The following SUGCT variants were observed in gnomAD, a reference collection of about 807,000 sequenced individuals.
The protein encoded by SUGCT is succinyl-CoA:glutarate CoA-transferase.
A neutral mutation model predicts 55.0 loss-of-function variants in SUGCT; 41 were observed. The observed-to-expected ratio is 0.74, with a 90% CI of 0.58 to 0.97. The LOEUF is 0.97. SUGCT is among the 50% of genes least tolerant of loss of function. The pLI is 0.00. For missense variants in SUGCT, 568 were observed against 547.8 expected (o/e 1.04, Z -0.37); for synonymous variants, 187 against 200.4 (o/e 0.93, Z 0.56).
intron 9 of SUGCT, among the ~76,000 whole-genome samples, chr7:40,402,569 G>C (rs1459519816): frequency 1.3e-5 from 2 of 151,182 alleles, no homozygotes; most frequent in African/African-American, 2.4e-5. Context: ...TCCAGATACT[G>C]TTTATTGGTA....
chr7:40,905,017 T>C, the SUGCT span, among the ~76,000 whole-genome samples: 1 of 152,184 alleles, frequency 6.6e-6, no homozygotes. Context: ...AAGTAAAATC[T>C]CTATAACATG....
At chr7:40,432,339 T>G (rs1787934099) in intron 9 of SUGCT, among the ~76,000 whole-genome samples, 1 of 152,196 alleles carries the variant, frequency 6.6e-6, no homozygotes, top group Non-Finnish European at 1.5e-5. Context: ...AACCCACTGA[T>G]AGTCTTATAG....
chr7:40,980,478 C>G, the SUGCT span, among the ~76,000 whole-genome samples: 1 of 152,128 alleles, frequency 6.6e-6, no homozygotes, highest in South Asian at 2.1e-4. Context: ...AGTCTCACCT[C>G]AGTATTATGT....
At chr7:40,666,991 T>TACTTGGG (rs1359803427) in intron 12 of SUGCT, among the ~76,000 whole-genome samples, 1 of 151,760 alleles carries the variant, frequency 6.6e-6, no homozygotes, top group Non-Finnish European at 1.5e-5. Context: ...GTTGCACGCC[T>TACTTGGG]GTGATCCCAG....
rs138682687 is a variant in SUGCT at position 40,296,711 on chromosome 7, G to A, written c.721-20049G>A. 7.4e-4 allele frequency among the ~76,000 whole-genome samples: 112 copies of A among 151,184 alleles called. No individual in the cohort carries two copies. The East Asian group carries it at 0.02, about 27-fold the overall frequency. ...TCTCTCTCCATTTGGTAACCTTCCTGTATAGGCCTCTAGGGTAGTGGTTAG... is the reference window on the plus strand; with the variant it reads ...TCTCTCTCCATTTGGTAACCTTCCTATATAGGCCTCTAGGGTAGTGGTTAG... On this transcript the variant is annotated intron_variant, in intron 8 of 13. Coordinates refer to ENST00000335693, the MANE Select transcript of SUGCT (RefSeq NM_001193313.2).
Position 40,855,322 on chromosome 7 carries a change from T to C in SUGCT, c.1154-4994T>C, listed in dbSNP as rs202061878. The stretch of plus-strand genomic sequence containing the variant: ...GAAAAATTTATCCTCTTCTACTCTT[T>C]TTGCCTCTTTTTTCCTGGGGTTCTT... On this transcript the variant is annotated intron_variant, in intron 13 of 13. Transcript: ENST00000335693. Among the ~76,000 whole-genome samples, 3 of 151,990 alleles carry C rather than the reference T, an allele frequency of 2.0e-5. No individual in the cohort carries two copies. In the East Asian group the frequency reaches 5.8e-4, roughly 29 times the overall value.
At chr7:40,726,542 T>G (rs1203717) in intron 12 of SUGCT, among the ~76,000 whole-genome samples, 57,241 of 151,976 alleles carry the variant, frequency 0.38, 13,829 homozygotes, top group African/African-American at 0.69. Flanking sequence ...CCAAGGGTCA[T>G]CTGTATTACC....
chr7:40,699,107 C>T (rs188335595), intron 12 of SUGCT, among the ~76,000 whole-genome samples: 7 of 152,114 alleles, frequency 4.6e-5, no homozygotes, highest in African/African-American at 7.2e-5. Context: ...ACCTGGTTTT[C>T]GATTTCATAT....
intron 1 of SUGCT, among the ~76,000 whole-genome samples, chr7:40,163,674 T>C (rs1784287032): frequency 6.6e-6 from 1 of 151,918 alleles, no homozygotes; most frequent in Non-Finnish European, 1.5e-5. Flanking sequence ...ACAAAAATGG[T>C]GCATCTGTGT....
chr7:40,240,841 G>A (rs1394379439), intron 7 of SUGCT, among the ~76,000 whole-genome samples: 2 of 152,160 alleles, frequency 1.3e-5, no homozygotes, highest in East Asian at 1.9e-4. Flanking sequence ...CAGGGTTGTC[G>A]GTCAGGGAAG....
chr7:40,309,260 T>C (rs1795010910), intron 8 of SUGCT, among the ~76,000 whole-genome samples: 1 of 152,114 alleles, frequency 6.6e-6, no homozygotes, highest in Admixed American at 6.6e-5. Context: ...ATCCCCAGTA[T>C]CTAGAGCAAT....
At chr7:41,014,813 A>G in the SUGCT span, among the ~76,000 whole-genome samples, 1 of 152,218 alleles carries the variant, frequency 6.6e-6, no homozygotes, top group Non-Finnish European at 1.5e-5. Context: ...TTATTTTACC[A>G]ATAGATTGAG....
At chr7:40,384,733 CG>C (rs1190297737) in intron 9 of SUGCT, among the ~76,000 whole-genome samples, 1 of 125,354 alleles carries the variant, frequency 8.0e-6, no homozygotes, top group East Asian at 2.2e-4. Context: ...TTGGTAGAGA[CG>C]GGGTTTCAGC....
At chr7:40,937,084 C>T in the SUGCT span, among the ~76,000 whole-genome samples, 1 of 152,122 alleles carries the variant, frequency 6.6e-6, no homozygotes, top group African/African-American at 2.4e-5. Context: ...GTTTGGTGGA[C>T]CAAATAGATG....
At chr7:40,578,444 TA>T (rs1274547637) in intron 12 of SUGCT, among the ~76,000 whole-genome samples, 1 of 152,202 alleles carries the variant, frequency 6.6e-6, no homozygotes, top group East Asian at 1.9e-4. Flanking sequence ...TCTGGATGTT[TA>T]AAAGCTGTCT....
the SUGCT span, among the ~76,000 whole-genome samples, chr7:41,034,505 G>T: frequency 6.6e-6 from 1 of 152,178 alleles, no homozygotes; most frequent in South Asian, 2.1e-4. Flanking sequence ...GGAGGGGTCA[G>T]AGCTGCTCAC....
the SUGCT span, among the ~76,000 whole-genome samples, chr7:40,988,623 A>T: frequency 6.6e-6 from 1 of 151,190 alleles, no homozygotes; most frequent in African/African-American, 2.5e-5. Context: ...TTAAAAAAAT[A>T]TGCTTTAAAT....
chr7:40,195,510 C>T (rs1320495528), intron 6 of SUGCT, among the ~76,000 whole-genome samples: 1 of 151,988 alleles, frequency 6.6e-6, no homozygotes, highest in Non-Finnish European at 1.5e-5. Flanking sequence ...CGTGAGCCAC[C>T]ACGTCCGGCC....
chr7:40,162,143 G>C lies in SUGCT; in HGVS notation c.101-18804G>C, dbSNP rs544962460. On this transcript the variant is annotated intron_variant, in intron 1 of 13. Transcript: ENST00000335693. ...GATCTCCTGACCTCGTGATCCGCCC[G>C]CCTCGGCCTCCCAAAGCTCTGGGAT... Among the ~76,000 whole-genome samples the C allele has an allele frequency of 1.1e-4, 16 of 152,174 alleles. No homozygotes were observed. In the East Asian group the frequency reaches 2.9e-3, roughly 28 times the overall value.
Sources: gnomAD v4.1 joint callset for allele counts (sites outside exome capture counted in the v4.1 genomes callset) on GRCh38, gnomAD v4.1.1 for gene constraint, MANE v1.5 for transcripts, NCBI Gene and HGNC (gene_info 2026-07-23, HGNC 2026-07-21) for gene names.